Variants in MYO5A observed in about 807,000 individuals in gnomAD.
MYO5A encodes myosin VA.
Under a neutral mutation model 249.7 loss-of-function variants are expected in MYO5A, and 98 were observed. The observed-to-expected ratio is 0.39, with a 90% confidence interval of 0.33 to 0.46. The LOEUF is 0.46. MYO5A is among the 20% of genes least tolerant of loss of function. The pLI is 0.98. For missense variants in MYO5A, 1,696 were observed against 2,308.8 expected (o/e 0.73, Z 5.44); for synonymous variants, 778 against 810.6 (o/e 0.96, Z 0.68).
intron 30 of MYO5A, 25 bp from the exon 31 acceptor site, chr15:52,343,222 G>C (rs1169325324): frequency 4.4e-6 from 7 of 1,581,074 alleles, no homozygotes; most frequent in Non-Finnish European, 6.1e-6. Flanking sequence ...GAACAACAAT[G>C]CAAAACACAA....
intron 34 of MYO5A, among the ~76,000 whole-genome samples, chr15:52,333,739 T>A (rs993607247): frequency 6.6e-6 from 1 of 152,214 alleles, no homozygotes; most frequent in Non-Finnish European, 1.5e-5. Context: ...CTTAATTAAA[T>A]GTAGCTTGTA....
Position 52,518,104 on chromosome 15 carries a change from T to C in MYO5A, c.27+10676A>G, listed in dbSNP as rs116772404. On this transcript the variant is annotated intron_variant, in intron 1 of 41. Transcript: ENST00000399233. The stretch of plus-strand genomic sequence containing the variant: ...AGTTTAGCAGTTTCAAGGGTTTGTG[T>C]GATTCTCCCCCATCCCCACCATCCC... 2.7e-3 allele frequency among the ~76,000 whole-genome samples: 415 copies of C among 152,218 alleles called. 5 individuals carry two copies. The highest frequency in any genetic ancestry group is 9.6e-3 in the African/African-American group (397 of 41,534).
chr15:52,457,701 A>G (rs966123200), intron 1 of MYO5A, among the ~76,000 whole-genome samples: 1 of 152,186 alleles, frequency 6.6e-6, no homozygotes, highest in East Asian at 1.9e-4. Flanking sequence ...AAGAGCATGG[A>G]GATTTTTCAA....
intron 1 of MYO5A, among the ~76,000 whole-genome samples, chr15:52,494,964 A>G (rs771164476): frequency 6.6e-6 from 1 of 152,164 alleles, no homozygotes; most frequent in Non-Finnish European, 1.5e-5. Context: ...ACAATGTCCT[A>G]TTGGCAAATT....
intron 9 of MYO5A, 109 bp downstream of exon 9, chr15:52,405,177 GT>G: frequency 1.2e-6 from 1 of 811,576 alleles, no homozygotes; most frequent in Non-Finnish European, 2.1e-6. Context: ...TGATAATTAT[GT>G]TTCTGATAAT....
At chr15:52,344,048 A>G (rs2039500163) in intron 30 of MYO5A, among the ~76,000 whole-genome samples, 1 of 152,210 alleles carries the variant, frequency 6.6e-6, no homozygotes, top group African/African-American at 2.4e-5. Context: ...TAGAGGTTAC[A>G]CAGCTGGTAA....
intron 24 of MYO5A, among the ~76,000 whole-genome samples, chr15:52,361,820 T>C (rs1567052279): frequency 1.3e-5 from 2 of 152,290 alleles, no homozygotes; most frequent in South Asian, 4.1e-4. Flanking sequence ...TTTGACTGGA[T>C]CATCACGTTC....
intron 1 of MYO5A, among the ~76,000 whole-genome samples, chr15:52,512,935 G>A (rs926313835): frequency 4.0e-5 from 6 of 150,330 alleles, no homozygotes; most frequent in Admixed American, 1.3e-4. Context: ...AGACCATGCT[G>A]GTAAACAGGT....
intron 1 of MYO5A, among the ~76,000 whole-genome samples, chr15:52,508,632 C>T (rs1363881891): frequency 1.3e-5 from 2 of 152,164 alleles, no homozygotes; most frequent in African/African-American, 2.4e-5. Context: ...CACCCCCACC[C>T]CCTGCCAAAA....
At chr15:52,413,896 C>A (rs909641192) in intron 5 of MYO5A, among the ~76,000 whole-genome samples, 1 of 152,118 alleles carries the variant, frequency 6.6e-6, no homozygotes, top group African/African-American at 2.4e-5. Flanking sequence ...TTCATCCCAG[C>A]AAGCAGGGCA....
chr15:52,405,351 G>A lies in MYO5A; in HGVS notation c.989C>T (p.Ala330Val), dbSNP rs1265026489. 1.9e-6 allele frequency: 3 copies of A among 1,613,800 alleles called. No individual in the cohort carries two copies. Among genetic ancestry groups the A allele is most frequent in the Non-Finnish European group, 2.5e-6 (3 of 1,179,734 alleles). Residue 330 changes from alanine (A) to valine (V), a missense_variant, in exon 9 of 42, where the codon GCT becomes GTT. Ala to Val is a moderately conservative substitution (Grantham distance 64, BLOSUM62 0). Coordinates refer to ENST00000399233, the MANE Select transcript of MYO5A (RefSeq NM_001382347.1). ...SHQMGIFRIL[A>V]GILHLGNVGF... ...AACATTGCCTAAGTGAAGGATGCCA[G>A]CAAGTATTCGGAAAATTCCCATTTG...
At position 52,428,388 on chromosome 15, in the gene MYO5A, G is replaced by A; in HGVS notation, c.310+10C>T. On this transcript the variant is annotated intron_variant, in intron 3 of 41. Transcript: ENST00000399233. ...GTCCACAGTCTATTCGGAAAGCAAA[G>A]CATACTTACCACAATACGTATAAAT... The A allele has an allele frequency of 6.2e-7, 1 of 1,611,710 alleles. No homozygotes were observed. Among genetic ancestry groups the A allele is most frequent in the East Asian group, 2.2e-5 (1 of 44,866 alleles).
At chr15:52,425,328 T>A (rs1050113393) in intron 4 of MYO5A, among the ~76,000 whole-genome samples, 1 of 151,770 alleles carries the variant, frequency 6.6e-6, no homozygotes, top group African/African-American at 2.4e-5. Context: ...AAACTCTATG[T>A]CCCTTTATAA....
At chr15:52,375,809 G>T in intron 19 of MYO5A, among the ~76,000 whole-genome samples, 1 of 152,170 alleles carries the variant, frequency 6.6e-6, no homozygotes, top group Non-Finnish European at 1.5e-5. Flanking sequence ...AGAACAGACA[G>T]ACATACACAG....
At chr15:52,513,701 G>A (rs1436674046) in intron 1 of MYO5A, among the ~76,000 whole-genome samples, 2 of 151,982 alleles carry the variant, frequency 1.3e-5, no homozygotes, top group East Asian at 2.0e-4. Flanking sequence ...AAAGTGCAGG[G>A]ATTATAGGCA....
At chr15:52,394,014 G>A (rs911264822) in intron 11 of MYO5A, among the ~76,000 whole-genome samples, 1 of 152,314 alleles carries the variant, frequency 6.6e-6, no homozygotes, top group African/African-American at 2.4e-5. Flanking sequence ...AGCTCCTGGG[G>A]TCTTTAAAAT....
At chr15:52,416,746 A>G (rs1199528819) in intron 4 of MYO5A, among the ~76,000 whole-genome samples, 1 of 152,244 alleles carries the variant, frequency 6.6e-6, no homozygotes, top group Non-Finnish European at 1.5e-5. Flanking sequence ...AACATGTTTT[A>G]TGACTTGGGT....
chr15:52,349,319 G>A (rs1037123162), intron 28 of MYO5A, among the ~76,000 whole-genome samples: 1 of 152,210 alleles, frequency 6.6e-6, no homozygotes, highest in Admixed American at 6.5e-5. Context: ...CTGCAATGGA[G>A]TGGTGACATG....
chr15:52,472,747 A>G (rs900808070), intron 1 of MYO5A, among the ~76,000 whole-genome samples: 1 of 152,130 alleles, frequency 6.6e-6, no homozygotes, highest in Non-Finnish European at 1.5e-5. Flanking sequence ...GCTACGTAGT[A>G]TTCCATGGTA....
Sources: gnomAD v4.1 joint callset for allele counts (sites outside exome capture counted in the v4.1 genomes callset) on GRCh38, gnomAD v4.1.1 for gene constraint, MANE v1.5 for transcripts, NCBI Gene and HGNC (gene_info 2026-07-23, HGNC 2026-07-21) for gene names.